CEP85L: variants seen among roughly 807,000 people sequenced by gnomAD.
CEP85L encodes the protein centrosomal protein 85L, also known as centrosomal protein of 85 kDa-like.
A neutral mutation model predicts 100.3 loss-of-function variants in CEP85L; 60 were observed. The ratio of observed to expected loss-of-function variants is 0.60; its 90% CI spans 0.49 to 0.74. The LOEUF (loss-of-function observed/expected upper bound fraction) is 0.74, where lower values mean the gene tolerates loss of function less well. Among genes scored for constraint, CEP85L ranks in the 30% least tolerant of loss-of-function variants. CEP85L has a pLI of 0.00. For synonymous variants in CEP85L, 319 were observed against 322.7 expected, an observed-to-expected ratio of 0.99 and a Z score of 0.12; for missense variants, 973 against 936.2, an observed-to-expected ratio of 1.04 and a Z score of -0.51.
At chr6:118,599,439 A>T in intron 2 of CEP85L, among the ~76,000 whole-genome samples, 1 of 152,232 alleles carries the variant, frequency 6.6e-6, no homozygotes, top group East Asian at 1.9e-4. Context: ...TGGCATAAAT[A>T]AATGATTGAA....
upstream of CEP85L, chr6:118,651,781 C>T (rs1249561086): frequency 1.0e-6 from 1 of 986,178 alleles, no homozygotes; most frequent in Non-Finnish European, 1.2e-6. Flanking sequence ...CCCGCCCTCC[C>T]GCCGCATCCC....
intron 3 of CEP85L, among the ~76,000 whole-genome samples, chr6:118,558,632 C>T (rs1203664158): frequency 1.1e-5 from 1 of 89,424 alleles, no homozygotes; most frequent in African/African-American, 4.5e-5. Context: ...CACATACACA[C>T]ACACACACAC....
chr6:118,518,888 A>G (rs545756606), intron 4 of CEP85L, among the ~76,000 whole-genome samples: 1 of 152,260 alleles, frequency 6.6e-6, no homozygotes, highest in East Asian at 1.9e-4. Context: ...ATTTCCCTCT[A>G]AACACTGCTT....
chr6:118,538,137 A>C (rs1214376852), intron 3 of CEP85L: 1 of 184,574 alleles, frequency 5.4e-6, no homozygotes, highest in Non-Finnish European at 1.0e-5. Context: ...GTGCATTATT[A>C]CGTATTTCTC....
intron 3 of CEP85L, among the ~76,000 whole-genome samples, chr6:118,537,025 GA>G (rs1777632758): frequency 6.6e-6 from 1 of 152,042 alleles, no homozygotes; most frequent in South Asian, 2.1e-4. Context: ...CAATATCCCA[GA>G]AAACCGAGGT....
chr6:118,595,100 A>G (rs2115142456), intron 2 of CEP85L, among the ~76,000 whole-genome samples: 1 of 152,272 alleles, frequency 6.6e-6, no homozygotes, highest in South Asian at 2.1e-4. Context: ...CAGCAAGATT[A>G]TGCTATGTAC....
chr6:118,655,989 C>G (rs190874161), upstream of CEP85L, among the ~76,000 whole-genome samples: 161 of 152,330 alleles, frequency 1.1e-3, no homozygotes, highest in African/African-American at 3.7e-3. Context: ...CCGCCATGCT[C>G]TTCAACATGC....
intron 2 of CEP85L, among the ~76,000 whole-genome samples, chr6:118,619,949 C>A (rs1773332539): frequency 6.6e-6 from 1 of 152,172 alleles, no homozygotes; most frequent in Non-Finnish European, 1.5e-5. Flanking sequence ...AACAGGAGGT[C>A]ACCGCTGTAG....
chr6:118,604,910 C>T (rs147378650), intron 2 of CEP85L, among the ~76,000 whole-genome samples: 5 of 132,068 alleles, frequency 3.8e-5, no homozygotes, highest in East Asian at 2.1e-4. Context: ...ACTAAAGTCA[C>T]GTGAACAAAA....
At chr6:118,562,974 G>C (rs958019832) in intron 3 of CEP85L, among the ~76,000 whole-genome samples, 10 of 152,080 alleles carry the variant, frequency 6.6e-5, no homozygotes, top group African/African-American at 2.4e-4. Flanking sequence ...GGAACTCAAG[G>C]GGGCCATGGA....
At chr6:118,709,724 A>G (rs1336524386) in intron 1 of CEP85L, among the ~76,000 whole-genome samples, 1 of 152,150 alleles carries the variant, frequency 6.6e-6, no homozygotes, top group Admixed American at 6.5e-5. Context: ...TTCTAAAACA[A>G]AGATAAAACA....
intron 2 of CEP85L, among the ~76,000 whole-genome samples, chr6:118,572,723 G>T (rs1040872670): frequency 1.8e-4 from 27 of 152,048 alleles, no homozygotes; most frequent in Non-Finnish European, 3.8e-4. Context: ...TCATGTACAA[G>T]GCATTATGCT....
chr6:118,565,498 A>T, intron 3 of CEP85L, 31 bp downstream of exon 3: 1 of 1,603,104 alleles, frequency 6.2e-7, no homozygotes, highest in South Asian at 1.1e-5. Flanking sequence ...CATCCACTGG[A>T]GGGAAGCAAA....
chr6:118,519,395 C>T (rs1052228777), intron 4 of CEP85L, among the ~76,000 whole-genome samples: 10 of 148,490 alleles, frequency 6.7e-5, no homozygotes, highest in Non-Finnish European at 1.3e-4. Context: ...GCCAAGATCG[C>T]GCCACCGCAC....
At chr6:118,523,041 AG>A (rs1290210988) in intron 4 of CEP85L, among the ~76,000 whole-genome samples, 1 of 152,224 alleles carries the variant, frequency 6.6e-6, no homozygotes, top group African/African-American at 2.4e-5. Flanking sequence ...TAGAATTTTA[AG>A]GCTAAAACAC....
intron 5 of CEP85L, among the ~76,000 whole-genome samples, chr6:118,496,713 T>G (rs1220455542): frequency 2.0e-5 from 3 of 152,178 alleles, no homozygotes; most frequent in Non-Finnish European, 2.9e-5. Context: ...CAAGAGCCAC[T>G]CCAGAGATTT....
intron 2 of CEP85L, among the ~76,000 whole-genome samples, chr6:118,610,131 G>C (rs1333011467): frequency 6.6e-6 from 1 of 152,094 alleles, no homozygotes; most frequent in Non-Finnish European, 1.5e-5. Flanking sequence ...CTCCAATTTA[G>C]AGATTTTTTT....
At chr6:118,539,093 T>C (rs960170787) in intron 3 of CEP85L, among the ~76,000 whole-genome samples, 1 of 152,138 alleles carries the variant, frequency 6.6e-6, no homozygotes, top group African/African-American at 2.4e-5. Context: ...AAAGCTATAG[T>C]ACAGGTGCTA....
chr6:118,495,098 A>G (rs552251886), intron 5 of CEP85L, among the ~76,000 whole-genome samples: 4 of 152,020 alleles, frequency 2.6e-5, no homozygotes, highest in Admixed American at 1.3e-4. Context: ...GGATATGATG[A>G]CAGAAACTTC....
Sources: gnomAD v4.1 joint callset for allele counts (sites outside exome capture counted in the v4.1 genomes callset) on GRCh38, gnomAD v4.1.1 for gene constraint, MANE v1.5 for transcripts, NCBI Gene and HGNC (gene_info 2026-07-23, HGNC 2026-07-21) for gene names.